The following ZSWIM6 variants were observed in gnomAD, a reference collection of about 807,000 sequenced individuals.
The protein encoded by ZSWIM6 is zinc finger SWIM-type containing 6, also known as zinc finger SWIM domain-containing protein 6.
A neutral mutation model predicts 113.2 loss-of-function variants in ZSWIM6; 9 were observed. The observed-to-expected ratio is 0.08, with a 90% CI of 0.05 to 0.14. ZSWIM6 has a LOEUF of 0.14. Among genes scored for constraint, ZSWIM6 ranks in the 10% least tolerant of loss-of-function variants. The pLI is 1.00. For synonymous variants in ZSWIM6, 611 were observed against 606.5 expected (o/e 1.01, Z -0.11); for missense variants, 1,162 against 1,552.2 (o/e 0.75, Z 4.22).
In ZSWIM6 at chr5:61,332,839, G is replaced by T. The variant is rs1416042919; in HGVS notation, c.567G>T (p.Pro189=). 1.3e-5 allele frequency: 14 copies of T among 1,041,656 alleles called. No homozygotes were observed. Among genetic ancestry groups the T allele is most frequent in the Non-Finnish European group, 1.5e-5 (13 of 863,890 alleles). The allele number at this position is 1,041,656 out of a possible 1,614,324, so 64.5% of individuals were successfully genotyped here. A position where few individuals can be genotyped will look rare whatever the true frequency, so the allele number is the denominator to read the frequency against. ...AAAAAAGAGA[P]SVGAAGAADG... Reference sequence around the variant, plus strand: ...CCGCCGCCGCGGGGGCCGGGGCCCCGTCGGTGGGGGCTGCCGGGGCGGCGG... The same window carrying T: ...CCGCCGCCGCGGGGGCCGGGGCCCCTTCGGTGGGGGCTGCCGGGGCGGCGG... The change falls in exon 1 of 14, where the codon CCG becomes CCT. Residue 189 remains proline (P), a synonymous_variant. Coordinates refer to ENST00000252744, the MANE Select transcript of ZSWIM6 (RefSeq NM_020928.2).
chr5:61,333,090 C>T, intron 1 of ZSWIM6, 142 bp downstream of exon 1: 2 of 939,416 alleles, frequency 2.1e-6, no homozygotes, highest in Non-Finnish European at 2.6e-6. Flanking sequence ...CCCGGACGGT[C>T]CTCCTGAGCG....
At chr5:61,391,969 A>G in intron 1 of ZSWIM6, 1 of 458,164 alleles carries the variant, frequency 2.2e-6, no homozygotes, top group Non-Finnish European at 3.9e-6. Context: ...GTACGGGTCT[A>G]CCTTCATTTT....
chr5:61,395,819 A>G (rs1364070319), intron 1 of ZSWIM6, among the ~76,000 whole-genome samples: 1 of 152,148 alleles, frequency 6.6e-6, no homozygotes, highest in African/African-American at 2.4e-5. Context: ...TTTTTCTACA[A>G]AATTATTTAG....
At chr5:61,520,656 A>G (rs1381554951) in intron 4 of ZSWIM6, among the ~76,000 whole-genome samples, 4 of 152,164 alleles carry the variant, frequency 2.6e-5, no homozygotes, top group African/African-American at 9.7e-5. Context: ...CAAACTATTC[A>G]TATTTTACTG....
At chr5:61,389,533 C>T (rs989120531) in intron 1 of ZSWIM6, among the ~76,000 whole-genome samples, 5 of 119,182 alleles carry the variant, frequency 4.2e-5, no homozygotes, top group Admixed American at 1.1e-4. Context: ...TGAGCCCAGG[C>T]GACAGTGCAA....
At chr5:61,338,791 G>A (rs76658205) in intron 1 of ZSWIM6, among the ~76,000 whole-genome samples, 6,943 of 152,204 alleles carry the variant, frequency 0.046, 205 homozygotes, top group Non-Finnish European at 0.07. Context: ...GATTGAAAAG[G>A]CTATCCTCAT....
chr5:61,403,960 G>T (rs1185817063), intron 1 of ZSWIM6, among the ~76,000 whole-genome samples: 4 of 151,182 alleles, frequency 2.6e-5, no homozygotes, highest in African/African-American at 9.7e-5. Flanking sequence ...TGAATTAGGT[G>T]ACTTATTGAG....
intron 1 of ZSWIM6, among the ~76,000 whole-genome samples, chr5:61,446,148 T>G (rs970511846): frequency 3.3e-5 from 5 of 152,170 alleles, no homozygotes; most frequent in Non-Finnish European, 7.4e-5. Flanking sequence ...TGCCTCAGCC[T>G]CCTGAGAAGC....
At chr5:61,467,078 G>A (rs935331675) in intron 1 of ZSWIM6, among the ~76,000 whole-genome samples, 2 of 152,122 alleles carry the variant, frequency 1.3e-5, no homozygotes, top group South Asian at 2.1e-4. Flanking sequence ...TCAATATGGC[G>A]TAGAGAAGAG....
At chr5:61,526,533 G>C (rs1749288419) in intron 7 of ZSWIM6, 137 bp downstream of exon 7, 2 of 1,074,786 alleles carry the variant, frequency 1.9e-6, no homozygotes, top group African/African-American at 3.3e-5. Flanking sequence ...TTAAAATAAT[G>C]GCTGATCTGT....
intron 5 of ZSWIM6, 54 bp from the exon 6 acceptor site, chr5:61,525,746 T>G (rs1415522053): frequency 1.3e-6 from 2 of 1,541,268 alleles, no homozygotes; most frequent in Non-Finnish European, 1.8e-6. Context: ...TATGACTGAT[T>G]TATTCACATG....
intron 1 of ZSWIM6, among the ~76,000 whole-genome samples, chr5:61,411,129 G>T (rs558924297): frequency 1.3e-5 from 2 of 152,194 alleles, no homozygotes; most frequent in Non-Finnish European, 2.9e-5. Flanking sequence ...TGCTCTAGGA[G>T]TGGAGCCTTG....
At chr5:61,499,609 T>C (rs965599124) in intron 4 of ZSWIM6, among the ~76,000 whole-genome samples, 4 of 151,956 alleles carry the variant, frequency 2.6e-5, no homozygotes, top group Admixed American at 6.6e-5. Flanking sequence ...TTTATGGAGG[T>C]GTGTTGCAGG....
At chr5:61,421,412 C>G (rs1297902046) in intron 1 of ZSWIM6, among the ~76,000 whole-genome samples, 1 of 152,098 alleles carries the variant, frequency 6.6e-6, no homozygotes, top group East Asian at 1.9e-4. Flanking sequence ...ACCTCCAGTT[C>G]CCTTCATGTT....
rs532444760 is a variant in ZSWIM6 at position 61,476,421 on chromosome 5, A to G, written c.1033+3384A>G. 8.0e-4 allele frequency among the ~76,000 whole-genome samples: 122 copies of G among 152,302 alleles called. 3 individuals are homozygous for G. The highest frequency in any genetic ancestry group is 6.7e-3 in the Admixed American group (103 of 15,282). The stretch of plus-strand genomic sequence containing the variant: ...GGTTGTTGGAATATAGTTTGTCATC[A>G]TAATAGTTCAGTCCTTGTCAGTGGA... On this transcript the variant is annotated intron_variant, in intron 2 of 13. Coordinates refer to ENST00000252744, the MANE Select transcript of ZSWIM6 (RefSeq NM_020928.2).
intron 2 of ZSWIM6, among the ~76,000 whole-genome samples, chr5:61,476,424 A>C (rs900272854): frequency 6.6e-6 from 1 of 152,164 alleles, no homozygotes; most frequent in Admixed American, 6.6e-5. Context: ...TGTCATCATA[A>C]TAGTTCAGTC....
At chr5:61,339,641 A>G (rs1400427557) in intron 1 of ZSWIM6, among the ~76,000 whole-genome samples, 3 of 152,216 alleles carry the variant, frequency 2.0e-5, no homozygotes, top group Non-Finnish European at 4.4e-5. Flanking sequence ...AAGAGCACAA[A>G]TATCCTAAAA....
intron 1 of ZSWIM6, among the ~76,000 whole-genome samples, chr5:61,450,209 A>G (rs1459365872): frequency 6.6e-6 from 1 of 151,962 alleles, no homozygotes; most frequent in Non-Finnish European, 1.5e-5. Flanking sequence ...AATCTTTCCC[A>G]CTCATTTTTC....
chr5:61,441,542 C>T (rs1022782157), intron 1 of ZSWIM6, among the ~76,000 whole-genome samples: 3 of 152,058 alleles, frequency 2.0e-5, no homozygotes, highest in African/African-American at 4.8e-5. Context: ...TAATGGTGGA[C>T]ATAACCTTAA....
Sources: allele counts gnomAD v4.1 joint callset (sites outside exome capture counted in the v4.1 genomes callset), GRCh38; gene constraint gnomAD v4.1.1; transcripts MANE v1.5; gene names NCBI Gene and HGNC (gene_info 2026-07-23, HGNC 2026-07-21).